The following PRKCB variants were observed in gnomAD, a reference collection of about 807,000 sequenced individuals.
The protein encoded by PRKCB is protein kinase C beta, also known as protein kinase C beta type.
In PRKCB, 13 loss-of-function variants were observed where a neutral mutation model predicts 81.5. The observed-to-expected ratio is 0.16, with a 90% CI of 0.10 to 0.25. The LOEUF is 0.25. PRKCB is among the 10% of genes least tolerant of loss of function. PRKCB has a pLI of 1.00. For synonymous variants in PRKCB, 335 were observed against 321.4 expected (o/e 1.04, Z -0.45); for missense variants, 509 against 875.7 (o/e 0.58, Z 5.29).
chr16:24,075,685 TA>T (rs2141888299), intron 5 of PRKCB, among the ~76,000 whole-genome samples: 1 of 152,348 alleles, frequency 6.6e-6, no homozygotes. Context: ...AAATGGTCAG[TA>T]TCCAGTGTTA....
At chr16:24,157,479 G>A (rs779744597) in intron 10 of PRKCB, among the ~76,000 whole-genome samples, 65 of 151,932 alleles carry the variant, frequency 4.3e-4, no homozygotes, top group Admixed American at 9.8e-4. Context: ...CTGCTGCCAC[G>A]TGAAGAAAGA....
At chr16:24,157,636 A>G (rs773781781) in intron 10 of PRKCB, among the ~76,000 whole-genome samples, 2 of 149,830 alleles carry the variant, frequency 1.3e-5, no homozygotes, top group Non-Finnish European at 3.0e-5. Flanking sequence ...ACTAATACAC[A>G]TGGGAATGAA....
chr16:24,081,934 T>G (rs2141893170), intron 5 of PRKCB, among the ~76,000 whole-genome samples: 1 of 151,990 alleles, frequency 6.6e-6, no homozygotes, highest in South Asian at 2.1e-4. Context: ...AAAGAAAAAT[T>G]GTTTCTATAC....
At chr16:23,954,838 G>A (rs1417392622) in intron 2 of PRKCB, among the ~76,000 whole-genome samples, 2 of 152,168 alleles carry the variant, frequency 1.3e-5, no homozygotes, top group East Asian at 3.9e-4. Flanking sequence ...GATGGCTTGA[G>A]GTCAGGAGTT....
rs569770368 is a variant in PRKCB, at chr16:24,126,151, G to A, written c.1065+2170G>A. Among the ~76,000 whole-genome samples, 7 of 152,268 alleles carry A rather than the reference G, an allele frequency of 4.6e-5. No homozygotes were observed. The South Asian group carries it at 1.5e-3, about 32-fold the overall frequency. On this transcript the variant is annotated intron_variant, in intron 9 of 16. Transcript: ENST00000643927. The stretch of plus-strand genomic sequence containing the variant: ...CATGTTGAATACATGAATGAAAATG[G>A]TATCTAGATTGGGTTGGGGAAGATG...
intron 2 of PRKCB, among the ~76,000 whole-genome samples, chr16:23,894,585 A>G (rs1238675518): frequency 6.6e-6 from 1 of 152,228 alleles, no homozygotes; most frequent in Non-Finnish European, 1.5e-5. Context: ...TCCAGCTTCC[A>G]GGTGCAAGCG....
At chr16:24,040,288 C>T (rs1965682578) in intron 5 of PRKCB, among the ~76,000 whole-genome samples, 1 of 152,142 alleles carries the variant, frequency 6.6e-6, no homozygotes, top group Non-Finnish European at 1.5e-5. Flanking sequence ...ACTGTCTCCT[C>T]CCCCTTTCTT....
intron 12 of PRKCB, among the ~76,000 whole-genome samples, chr16:24,180,232 T>C (rs1567403933): frequency 1.3e-5 from 2 of 152,186 alleles, no homozygotes; most frequent in Non-Finnish European, 2.9e-5. Context: ...CGTGAGCCAA[T>C]GTGCCCTGCC....
intron 3 of PRKCB, among the ~76,000 whole-genome samples, chr16:24,025,790 A>C (rs890683206): frequency 3.3e-5 from 5 of 152,180 alleles, no homozygotes; most frequent in African/African-American, 1.2e-4. Context: ...GTGTCAATGG[A>C]GTAAAGTTGG....
chr16:24,124,023 A>G, intron 9 of PRKCB, 42 bp downstream of exon 9: 1 of 1,610,820 alleles, frequency 6.2e-7, no homozygotes, highest in East Asian at 2.2e-5. Context: ...TGGAAGGAAC[A>G]TCTAACAACA....
intron 2 of PRKCB, among the ~76,000 whole-genome samples, chr16:23,941,631 A>G (rs1964141841): frequency 6.6e-6 from 1 of 152,190 alleles, no homozygotes; most frequent in African/African-American, 2.4e-5. Context: ...CGTCCCATCA[A>G]TATGTCAAAG....
rs894809827 is a variant in PRKCB, at chr16:24,156,619, A to G, written c.1239+1762A>G. The stretch of plus-strand genomic sequence containing the variant: ...AACTGTTTTGAGTGGAAGAAGAGAC[A>G]ATAGAAAGAAAAATATTAAGTGAAT... On this transcript the variant is annotated intron_variant, in intron 10 of 16. Transcript: ENST00000643927. Among the ~76,000 whole-genome samples, 3 of 152,210 alleles carry G rather than the reference A, an allele frequency of 2.0e-5. No homozygotes were observed. In the East Asian group the frequency reaches 5.8e-4, roughly 29 times the overall value.
chr16:24,172,434 T>A (rs1967457347), intron 11 of PRKCB, 73 bp downstream of exon 11: 1 of 1,363,520 alleles, frequency 7.3e-7, no homozygotes, highest in South Asian at 1.2e-5. Context: ...GAGGGTGTTT[T>A]TTTGCCAAAG....
At chr16:24,153,665 G>A (rs1313074319) in intron 9 of PRKCB, among the ~76,000 whole-genome samples, 6 of 152,162 alleles carry the variant, frequency 3.9e-5, no homozygotes, top group Admixed American at 2.6e-4. Flanking sequence ...GAGTGGGAGA[G>A]GGGGTGACAC....
intron 12 of PRKCB, 28 bp downstream of exon 12, chr16:24,174,608 C>A: frequency 1.3e-6 from 2 of 1,580,082 alleles, no homozygotes; most frequent in Non-Finnish European, 8.7e-7. Flanking sequence ...TACTTTCCAT[C>A]TCTTCATCTC....
At chr16:23,944,443 A>T (rs1041652369) in intron 2 of PRKCB, among the ~76,000 whole-genome samples, 1 of 152,104 alleles carries the variant, frequency 6.6e-6, no homozygotes, top group Admixed American at 6.5e-5. Context: ...GCTGTGGGGG[A>T]GTCAGAATGA....
At chr16:24,097,368 T>C (rs1966459059) in intron 7 of PRKCB, among the ~76,000 whole-genome samples, 1 of 151,944 alleles carries the variant, frequency 6.6e-6, no homozygotes, top group South Asian at 2.1e-4. Flanking sequence ...ATATATTGAG[T>C]GTCCACTAGG....
At chr16:24,042,154 AT>A (rs1330261317) in intron 5 of PRKCB, among the ~76,000 whole-genome samples, 2 of 152,138 alleles carry the variant, frequency 1.3e-5, no homozygotes. Context: ...TTTGTGTAAT[AT>A]TGCCCAGCCA....
At chr16:24,079,248 C>G (rs1966219484) in intron 5 of PRKCB, among the ~76,000 whole-genome samples, 1 of 152,130 alleles carries the variant, frequency 6.6e-6, no homozygotes, top group East Asian at 1.9e-4. Context: ...CTGCCTGCAC[C>G]CAGGTGAAAT....
Sources: gnomAD v4.1 joint callset for allele counts (sites outside exome capture counted in the v4.1 genomes callset) on GRCh38, gnomAD v4.1.1 for gene constraint, MANE v1.5 for transcripts, NCBI Gene and HGNC (gene_info 2026-07-23, HGNC 2026-07-21) for gene names.